The following ATF7IP variants were observed in gnomAD, a reference collection of about 807,000 sequenced individuals.
The protein encoded by ATF7IP is activating transcription factor 7-interacting protein 1.
ATF7IP carries 23 observed loss-of-function variants against 106.4 expected under a neutral mutation model. The ratio of observed to expected loss-of-function variants is 0.22; its 90% CI spans 0.16 to 0.31. The LOEUF is 0.31. Among genes scored for constraint, ATF7IP ranks in the 10% least tolerant of loss-of-function variants. The pLI is 1.00. For missense variants in ATF7IP, 1,334 were observed against 1,524.3 expected, an observed-to-expected ratio of 0.88 and a Z score of 2.08; for synonymous variants, 542 against 539.0, an observed-to-expected ratio of 1.01 and a Z score of -0.08.
At chr12:14,436,782 CTTT>C (rs58703478) in intron 4 of ATF7IP, among the ~76,000 whole-genome samples, 2,433 of 148,284 alleles carry the variant, frequency 0.016, 58 homozygotes, top group African/African-American at 0.054. Flanking sequence ...TTGGCTACAT[CTTT>C]TTTTTTTTTT....
Position 14,446,984 on chromosome 12 carries a change from T to TTC in ATF7IP, c.1930-4_1930-3insTC. On this transcript the variant is annotated splice_polypyrimidine_tract_variant and splice_region_variant and intron_variant, in intron 5 of 14. Transcript: ENST00000261168. ...TTCATTTTTGTCTTTTTTTTTTTTT[T>TTC]CAGGCCAAGATAGCCAGGTTAACCA... 4 of 1,556,310 alleles carry TTC rather than the reference T, an allele frequency of 2.6e-6. No individual in the cohort carries two copies. Among genetic ancestry groups the TTC allele is most frequent in the Middle Eastern group, 1.7e-4 (1 of 5,766 alleles).
At chr12:14,479,621 G>A (rs1008906854) in intron 12 of ATF7IP, among the ~76,000 whole-genome samples, 6 of 152,130 alleles carry the variant, frequency 3.9e-5, no homozygotes, top group Admixed American at 1.3e-4. Context: ...TTTGAGTTAT[G>A]AAATTATTGT....
chr12:14,391,853 C>T (rs2136436714), intron 1 of ATF7IP, among the ~76,000 whole-genome samples: 1 of 152,274 alleles, frequency 6.6e-6, no homozygotes, highest in East Asian at 1.9e-4. Context: ...TCCTGAGTAG[C>T]TGGGATTATA....
chr12:14,477,326 C>T (rs1284308885), intron 11 of ATF7IP, among the ~76,000 whole-genome samples: 1 of 152,192 alleles, frequency 6.6e-6, no homozygotes, highest in African/African-American at 2.4e-5. Context: ...TGCCATCCTT[C>T]ATCCGGGTTG....
chr12:14,456,627 T>G lies in ATF7IP; in HGVS notation c.2062T>G (p.Ser688Ala). ...VNDVNSNNNM[S>A]YRNAGTVRQM... ...TGATGTCAACAGCAATAATAACATG[T>G]CTTACAGGTGAGAATTCATAGTCTG... The change falls in exon 7 of 15, where the codon TCT becomes GCT. Residue 688 changes from serine (S) to alanine (A), a missense_variant. Coordinates refer to ENST00000261168, the MANE Select transcript of ATF7IP (RefSeq NM_018179.5). 6.2e-7 allele frequency: 1 copy of G among 1,606,410 alleles called. No individual in the cohort carries two copies. The highest frequency in any genetic ancestry group is 1.7e-5 in the Admixed American group (1 of 60,002).
chr12:14,372,617 CA>C (rs1938576319), intron 1 of ATF7IP, among the ~76,000 whole-genome samples: 1 of 151,982 alleles, frequency 6.6e-6, no homozygotes, highest in Non-Finnish European at 1.5e-5. Flanking sequence ...TGCAGTTTTC[CA>C]TTGCTCAGAA....
At chr12:14,425,780 A>G (rs1383524340) in intron 2 of ATF7IP, among the ~76,000 whole-genome samples, 2 of 152,226 alleles carry the variant, frequency 1.3e-5, no homozygotes, top group Non-Finnish European at 1.5e-5. Flanking sequence ...ATAATTGACT[A>G]GAGTTGTAGC....
At chr12:14,388,514 T>G (rs1017743239) in intron 1 of ATF7IP, among the ~76,000 whole-genome samples, 7 of 151,720 alleles carry the variant, frequency 4.6e-5, no homozygotes, top group Admixed American at 4.6e-4. Context: ...GCCCGGCTAA[T>G]TTTTGTAGTT....
At chr12:14,378,217 C>G (rs955051877) in intron 1 of ATF7IP, among the ~76,000 whole-genome samples, 1 of 151,652 alleles carries the variant, frequency 6.6e-6, no homozygotes, top group Non-Finnish European at 1.5e-5. Context: ...CCTGCATCAG[C>G]CTTCCGAGTG....
chr12:14,385,357 A>C (rs1939171809), intron 1 of ATF7IP: 3 of 1,532,750 alleles, frequency 2.0e-6, no homozygotes, highest in Non-Finnish European at 2.6e-6. Context: ...CTTAGGCAGC[A>C]AGTATGTCAG....
intron 13 of ATF7IP, among the ~76,000 whole-genome samples, chr12:14,493,912 C>T (rs970031232): frequency 6.6e-6 from 1 of 152,036 alleles, no homozygotes. Flanking sequence ...TCATCATTTT[C>T]TTTCATCACT....
At chr12:14,453,979 C>T (rs956747187) in intron 6 of ATF7IP, among the ~76,000 whole-genome samples, 2 of 152,120 alleles carry the variant, frequency 1.3e-5, no homozygotes, top group African/African-American at 4.8e-5. Context: ...TCATAGCTCT[C>T]TGTTACTTTA....
At position 14,435,776 on chromosome 12, in the gene ATF7IP, A is replaced by G. The variant is rs376988113; in HGVS notation, c.1646-330A>G. 3.3e-5 allele frequency among the ~76,000 whole-genome samples: 5 copies of G among 152,316 alleles called. No individual in the cohort carries two copies. In the South Asian group the frequency reaches 1.0e-3, roughly 32 times the overall value. Reference sequence around the variant, plus strand: ...TCAGAGGATTCATGTGCACTGTGACATTTAGTTACAGGAATGAATATGAGA... The same window carrying G: ...TCAGAGGATTCATGTGCACTGTGACGTTTAGTTACAGGAATGAATATGAGA... On this transcript the variant is annotated intron_variant, in intron 3 of 14. Transcript: ENST00000261168.
At chr12:14,468,199 C>G (rs1011590001) in intron 10 of ATF7IP, among the ~76,000 whole-genome samples, 2 of 146,202 alleles carry the variant, frequency 1.4e-5, no homozygotes, top group Non-Finnish European at 3.0e-5. Context: ...CCCAGGAGGG[C>G]GGAGGTTGCA....
At chr12:14,443,037 C>T (rs1363779293) in intron 5 of ATF7IP, among the ~76,000 whole-genome samples, 1 of 152,090 alleles carries the variant, frequency 6.6e-6, no homozygotes, top group African/African-American at 2.4e-5. Flanking sequence ...TCCCTGTAAT[C>T]CCAGCTACTA....
At chr12:14,446,255 C>T (rs537200624) in intron 5 of ATF7IP, among the ~76,000 whole-genome samples, 15 of 152,138 alleles carry the variant, frequency 9.9e-5, no homozygotes, top group African/African-American at 1.4e-4. Flanking sequence ...TCAAGCGATA[C>T]TCCTGCTTCA....
At chr12:14,391,072 G>C (rs940985008) in intron 1 of ATF7IP, among the ~76,000 whole-genome samples, 1 of 152,212 alleles carries the variant, frequency 6.6e-6, no homozygotes, top group African/African-American at 2.4e-5. Flanking sequence ...ACTTTGAAAA[G>C]AGAAAGTGAT....
At chr12:14,496,745 T>G (rs1945023386) in intron 14 of ATF7IP, among the ~76,000 whole-genome samples, 1 of 152,252 alleles carries the variant, frequency 6.6e-6, no homozygotes, top group African/African-American at 2.4e-5. Context: ...AATCCAATGA[T>G]ATTGGGAATT....
At chr12:14,496,520 A>G (rs1257226726) in intron 14 of ATF7IP, among the ~76,000 whole-genome samples, 177 bp downstream of exon 14, 1 of 152,190 alleles carries the variant, frequency 6.6e-6, no homozygotes, top group Admixed American at 6.5e-5. Flanking sequence ...GTTCCTAGGG[A>G]TGATGATCAT....
Sources: gnomAD v4.1 joint callset for allele counts (sites outside exome capture counted in the v4.1 genomes callset) on GRCh38, gnomAD v4.1.1 for gene constraint, MANE v1.5 for transcripts, NCBI Gene and HGNC (gene_info 2026-07-23, HGNC 2026-07-21) for gene names.